FBH1: variants seen among roughly 807,000 people sequenced by gnomAD.
FBH1 encodes the protein DNA 3'-5' helicase 1.
Under a neutral mutation model 115.5 loss-of-function variants are expected in FBH1, and 43 were observed. The ratio of observed to expected loss-of-function variants is 0.37; its 90% confidence interval spans 0.29 to 0.48. FBH1 has a LOEUF of 0.48. Ranked by LOEUF, FBH1 falls within the 20% of genes least tolerant of loss-of-function variation. The probability of loss-of-function intolerance (pLI) is 0.99; values close to 1 mark genes in which losing one functional copy is unlikely to be tolerated. For missense variants in FBH1, 1,001 were observed against 1,337.3 expected (o/e 0.75, Z 3.92); for synonymous variants, 524 against 507.8 (o/e 1.03, Z -0.43).
In FBH1 at chr10:5,913,650, T is replaced by C. The variant is rs1406654668; in HGVS notation, c.1212-97T>C. ...TAAATGGTGGTAGGTATTTTCTTTTTAGAAATGGGAAGGAGTTTAAATCCA... is the reference window on the plus strand; with the variant it reads ...TAAATGGTGGTAGGTATTTTCTTTTCAGAAATGGGAAGGAGTTTAAATCCA... On this transcript the variant is annotated intron_variant, in intron 6 of 20. Transcript: ENST00000362091. The surrounding 1 kb of genome is among the most constrained non-coding windows in gnomAD (Gnocchi z 4.4). 1.2e-6 allele frequency: 1 copy of C among 814,236 alleles called. No individual in the cohort carries two copies. The highest frequency in any genetic ancestry group is 1.8e-5 in the African/African-American group (1 of 55,710). 50.4% of individuals were successfully genotyped at this position (814,236 alleles called of 1,614,324 possible).
In FBH1 at chr10:5,897,669, C is replaced by T. The variant is rs553216226; in HGVS notation, c.2-5351C>T. On this transcript the variant is annotated intron_variant, in intron 1 of 20. Transcript: ENST00000362091. The surrounding 1 kb of genome is among the most constrained non-coding windows in gnomAD (Gnocchi z 4.7). ...TTATCTTAGTGCACAGAGGCCAGAT[C>T]ACCAGTCTAAGCGCCCCTCCCCCGG... Among the ~76,000 whole-genome samples the T allele has an allele frequency of 9.9e-5, 15 of 152,284 alleles. No homozygotes were observed. The South Asian group carries it at 3.1e-3, about 32-fold the overall frequency.
At position 5,920,567 on chromosome 10, in the gene FBH1, C is replaced by T. The variant is rs76354989; in HGVS notation, c.2101-691C>T. Among the ~76,000 whole-genome samples, 1,087 of 152,226 alleles carry T rather than the reference C, an allele frequency of 7.1e-3. 7 individuals carry two copies. Among genetic ancestry groups the T allele is most frequent in the African/African-American group, 0.025 (1,033 of 41,492 alleles). On this transcript the variant is annotated intron_variant, in intron 13 of 20. Coordinates refer to ENST00000362091, the MANE Select transcript of FBH1 (RefSeq NM_178150.3). ...TCATTTATCTATCTTAATATGAACT[C>T]ATGGATATTTATGTTATAATTTCGG...
chr10:5,895,062 A>G lies in FBH1; in HGVS notation c.1+4716A>G, dbSNP rs1842934073. 1.2e-6 allele frequency: 2 copies of G among 1,612,504 alleles called. No individual in the cohort carries two copies. Among genetic ancestry groups the G allele is most frequent in the Non-Finnish European group, 1.7e-6 (2 of 1,178,990 alleles). Reference sequence around the variant, plus strand: ...GGCCATTCCCGTTTCACAGGCTGCCATTGGACCTGTCAAGTGCCTGAGTCA... The same window carrying G: ...GGCCATTCCCGTTTCACAGGCTGCCGTTGGACCTGTCAAGTGCCTGAGTCA... On this transcript the variant is annotated intron_variant, in intron 1 of 20. Coordinates refer to ENST00000362091, the MANE Select transcript of FBH1 (RefSeq NM_178150.3). This position sits in a 1 kb window ranked among gnomAD's most constrained non-coding sequence, Gnocchi z 5.0.
rs1457124428 is a variant in FBH1, at chr10:5,921,141, C to T, written c.2101-117C>T. 1.3e-5 allele frequency: 11 copies of T among 858,388 alleles called. No homozygotes were observed. Among genetic ancestry groups the T allele is most frequent in the Middle Eastern group, 2.8e-4 (1 of 3,616 alleles). 53.2% of individuals were successfully genotyped at this position (858,388 alleles called of 1,614,324 possible). ...GAGCCTGTGAAGTTCGCTTTCCATG[C>T]GGGGGGTCAGGAACAACTTGTAGGG... On this transcript the variant is annotated intron_variant, in intron 13 of 20. Coordinates refer to ENST00000362091, the MANE Select transcript of FBH1 (RefSeq NM_178150.3). The surrounding 1 kb of genome is among the most constrained non-coding windows in gnomAD (Gnocchi z 6.4).
At position 5,892,253 on chromosome 10, in the gene FBH1, C is replaced by A. The variant is rs1355514338; in HGVS notation, c.1+1907C>A. 2.6e-5 allele frequency among the ~76,000 whole-genome samples: 4 copies of A among 152,290 alleles called. No individual in the cohort carries two copies. In the East Asian group the frequency reaches 5.8e-4, roughly 22 times the overall value. ...AGTCGTCATTGGCACCGACTTGCTCCTTGGCTGCCCTTCCTTTTCCTCCTG... is the reference window on the plus strand; with the variant it reads ...AGTCGTCATTGGCACCGACTTGCTCATTGGCTGCCCTTCCTTTTCCTCCTG... On this transcript the variant is annotated intron_variant, in intron 1 of 20. Coordinates refer to ENST00000362091, the MANE Select transcript of FBH1 (RefSeq NM_178150.3).
In FBH1 at chr10:5,924,623, A is replaced by G. The variant is rs1832521902; in HGVS notation, c.2596+115A>G. 3 of 1,082,294 alleles carry G rather than the reference A, an allele frequency of 2.8e-6. No homozygotes were observed. Among genetic ancestry groups the G allele is most frequent in the Admixed American group, 2.1e-5 (1 of 48,556 alleles). The allele number at this position is 1,082,294 out of a possible 1,614,324, so 67.0% of individuals were successfully genotyped here. On this transcript the variant is annotated intron_variant, in intron 17 of 20. Coordinates refer to ENST00000362091, the MANE Select transcript of FBH1 (RefSeq NM_178150.3). This position sits in a 1 kb window ranked among gnomAD's most constrained non-coding sequence, Gnocchi z 6.2. ...TGCTCTGTTGCCCAGGCTGGAGTGC[A>G]GTGGCGTGATCTTGGCTCACTGCAA...
chr10:5,915,695 C>T lies in FBH1; in HGVS notation c.1565+124C>T. 2.5e-6 allele frequency: 2 copies of T among 795,332 alleles called. No individual in the cohort carries two copies. Among genetic ancestry groups the T allele is most frequent in the Non-Finnish European group, 4.0e-6 (2 of 502,806 alleles). 49.3% of individuals were successfully genotyped at this position (795,332 alleles called of 1,614,324 possible). On this transcript the variant is annotated intron_variant, in intron 9 of 20. Transcript: ENST00000362091. This position sits in a 1 kb window ranked among gnomAD's most constrained non-coding sequence, Gnocchi z 5.2. The stretch of plus-strand genomic sequence containing the variant: ...CCGAGGAGTGTAGTGCTGTTATCTC[C>T]ACTTACAGGCAGGAAACAAATACAT...
Position 5,923,133 on chromosome 10 carries a change from T to C in FBH1, c.2323-488T>C, listed in dbSNP as rs545713135. Among the ~76,000 whole-genome samples, 137 of 152,312 alleles carry C rather than the reference T, an allele frequency of 9.0e-4. No individual in the cohort carries two copies. Among genetic ancestry groups the C allele is most frequent in the African/African-American group, 3.3e-3 (136 of 41,574 alleles). ...CCTGGCCTCAAGTGATCCACCTGCC[T>C]CAGCCTCCCAAAGTGCTGGGATTAC... On this transcript the variant is annotated intron_variant, in intron 15 of 20. Coordinates refer to ENST00000362091, the MANE Select transcript of FBH1 (RefSeq NM_178150.3). The surrounding 1 kb of genome is among the most constrained non-coding windows in gnomAD (Gnocchi z 5.7).
chr10:5,925,509 T>G lies in FBH1; in HGVS notation c.2722+17T>G, dbSNP rs763364788. On this transcript the variant is annotated intron_variant, in intron 18 of 20. Coordinates refer to ENST00000362091, the MANE Select transcript of FBH1 (RefSeq NM_178150.3). The surrounding 1 kb of genome is among the most constrained non-coding windows in gnomAD (Gnocchi z 4.6). ...TCAGAGTTGGTAAGAGGCCGCCGGG[T>G]AGTGTCAGGTGCTGCTGTATGTAGT... 6.2e-7 allele frequency: 1 copy of G among 1,612,928 alleles called. No individual in the cohort carries two copies. Among genetic ancestry groups the G allele is most frequent in the Middle Eastern group, 1.9e-4 (1 of 5,264 alleles).
chr10:5,892,688 A>G (rs1842801422), intron 1 of FBH1, among the ~76,000 whole-genome samples: 1 of 152,220 alleles, frequency 6.6e-6, no homozygotes, highest in African/African-American at 2.4e-5. Flanking sequence ...ACTCCGGGGG[A>G]AAAAGTGATT....
In FBH1 at chr10:5,909,848, C is replaced by T. The variant is rs764198884; in HGVS notation, c.1020+554C>T. On this transcript the variant is annotated intron_variant, in intron 5 of 20. Coordinates refer to ENST00000362091, the MANE Select transcript of FBH1 (RefSeq NM_178150.3). The surrounding 1 kb of genome is among the most constrained non-coding windows in gnomAD (Gnocchi z 4.4). ...CACAGAGGGCTGGGAACCCAGGCAA[C>T]TGCATTTCTGTTTCTCTTGAAGAAG... Among the ~76,000 whole-genome samples, 2 of 152,222 alleles carry T rather than the reference C, an allele frequency of 1.3e-5. No homozygotes were observed. The highest frequency in any genetic ancestry group is 2.4e-5 in the African/African-American group (1 of 41,450).
At chr10:5,908,694 C>T (rs1831364103) in intron 3 of FBH1, among the ~76,000 whole-genome samples, 1 of 151,984 alleles carries the variant, frequency 6.6e-6, no homozygotes, top group South Asian at 2.1e-4. Context: ...GCAACCTCCG[C>T]CTCCCAGGTT....
intron 1 of FBH1, among the ~76,000 whole-genome samples, chr10:5,892,373 A>G (rs1341813760): frequency 2.6e-5 from 4 of 152,150 alleles, no homozygotes; most frequent in African/African-American, 9.7e-5. Context: ...CACTATTGGT[A>G]TTAGATTTAG....
chr10:5,916,266 A>G lies in FBH1; in HGVS notation c.1598A>G (p.Lys533Arg). ...TCAAAGAAGAAGTTGAATCTCTTCA[A>G]GTTAACACCCTTCATGGTCAACTCC... ...YQSKKKLNLF[K>R]LTPFMVNSVL... Residue 533 changes from lysine (K) to arginine (R), a missense_variant, in exon 10 of 21, where the codon AAG becomes AGG. Around this residue, in one of 4 missense-constraint regions of FBH1, gnomAD observed 521 missense variants for 811.0 expected, o/e 0.64. Coordinates refer to ENST00000362091, the MANE Select transcript of FBH1 (RefSeq NM_178150.3). The G allele has an allele frequency of 3.1e-6, 5 of 1,614,224 alleles. No individual in the cohort carries two copies. Among genetic ancestry groups the G allele is most frequent in the Non-Finnish European group, 4.2e-6 (5 of 1,180,038 alleles).
At chr10:5,919,678 A>C (rs1226789564) in intron 13 of FBH1, among the ~76,000 whole-genome samples, 1 of 152,190 alleles carries the variant, frequency 6.6e-6, no homozygotes, top group Admixed American at 6.5e-5. Flanking sequence ...ATTAGAAGAG[A>C]TGTCTCACTT....
intron 1 of FBH1, chr10:5,894,089 C>T (rs914481243): frequency 2.0e-6 from 2 of 985,434 alleles, no homozygotes; most frequent in East Asian, 1.1e-4. Flanking sequence ...GGAGATTGAG[C>T]TTACTGCCTG....
rs766786879 is a variant in FBH1, at chr10:5,909,140, T to C, written c.885-19T>C. 2.7e-5 allele frequency: 43 copies of C among 1,613,478 alleles called. No homozygotes were observed. The highest frequency in any genetic ancestry group is 2.5e-5 in the Non-Finnish European group (29 of 1,179,888). On this transcript the variant is annotated intron_variant, in intron 4 of 20. Coordinates refer to ENST00000362091, the MANE Select transcript of FBH1 (RefSeq NM_178150.3). The surrounding 1 kb of genome is among the most constrained non-coding windows in gnomAD (Gnocchi z 4.4). The stretch of plus-strand genomic sequence containing the variant: ...TTATGGTCACCCTACTCATGGCCTC[T>C]CCTGTGAATGTCTTACAGATACACA...
rs1469138379 is a variant in FBH1 at position 5,909,137 on chromosome 10, C to T, written c.885-22C>T. 3.7e-6 allele frequency: 6 copies of T among 1,613,336 alleles called. No homozygotes were observed. The highest frequency in any genetic ancestry group is 2.7e-5 in the African/African-American group (2 of 74,932). On this transcript the variant is annotated intron_variant, in intron 4 of 20. Coordinates refer to ENST00000362091, the MANE Select transcript of FBH1 (RefSeq NM_178150.3). The surrounding 1 kb of genome is among the most constrained non-coding windows in gnomAD (Gnocchi z 4.4). ...TGCTTATGGTCACCCTACTCATGGCCTCTCCTGTGAATGTCTTACAGATAC... is the reference window on the plus strand; with the variant it reads ...TGCTTATGGTCACCCTACTCATGGCTTCTCCTGTGAATGTCTTACAGATAC...
At position 5,895,336 on chromosome 10, in the gene FBH1, C is replaced by T; in HGVS notation, c.1+4990C>T. Reference sequence around the variant, plus strand: ...CAGGTACCTTGTACTAGCGAGTCAACTTGATTTTTTTTTGAAAAAGCAATT... The same window carrying T: ...CAGGTACCTTGTACTAGCGAGTCAATTTGATTTTTTTTTGAAAAAGCAATT... On this transcript the variant is annotated intron_variant, in intron 1 of 20. Coordinates refer to ENST00000362091, the MANE Select transcript of FBH1 (RefSeq NM_178150.3). This position sits in a 1 kb window ranked among gnomAD's most constrained non-coding sequence, Gnocchi z 5.0. 1 of 692,014 alleles carries T rather than the reference C, an allele frequency of 1.4e-6. No individual in the cohort carries two copies. Among genetic ancestry groups the T allele is most frequent in the Non-Finnish European group, 2.1e-6 (1 of 472,784 alleles). The allele number at this position is 692,014 out of a possible 1,614,324, so 42.9% of individuals were successfully genotyped here.
Sources: gnomAD v4.1 joint callset for allele counts (sites outside exome capture counted in the v4.1 genomes callset) on GRCh38, gnomAD v4.1.1 for gene constraint, gnomAD v4.1.1 regional missense constraint, Gnocchi (gnomAD v3.1) non-coding constraint, MANE v1.5 for transcripts, NCBI Gene and HGNC (gene_info 2026-07-23, HGNC 2026-07-21) for gene names.